Variants in GRIN2B observed in about 807,000 individuals in gnomAD.
GRIN2B encodes the protein glutamate receptor ionotropic, NMDA 2B.
GRIN2B carries 5 observed loss-of-function variants against 114.5 expected under a neutral mutation model. The ratio of observed to expected loss-of-function variants is 0.04; its 90% CI spans 0.02 to 0.09. The LOEUF (loss-of-function observed/expected upper bound fraction) is 0.09, where lower values mean the gene tolerates loss of function less well. Among genes scored for constraint, GRIN2B ranks in the 10% least tolerant of loss-of-function variants. GRIN2B has a pLI of 1.00. For missense variants in GRIN2B, 1,108 were observed against 1,943.5 expected (o/e 0.57, Z 8.08); for synonymous variants, 787 against 745.1 (o/e 1.06, Z -0.92).
At chr12:13,951,254 T>C (rs1459850484) in intron 2 of GRIN2B, among the ~76,000 whole-genome samples, 1 of 152,142 alleles carries the variant, frequency 6.6e-6, no homozygotes, top group Non-Finnish European at 1.5e-5. Context: ...ACCCTAGATA[T>C]AGTACAGGGA....
intron 3 of GRIN2B, among the ~76,000 whole-genome samples, chr12:13,830,590 A>G (rs1207405349): frequency 1.3e-5 from 2 of 152,204 alleles, no homozygotes; most frequent in African/African-American, 4.8e-5. Flanking sequence ...AGAAGGCCAA[A>G]TGTATCTGTG....
chr12:13,856,702 C>T (rs1865666384), intron 3 of GRIN2B, among the ~76,000 whole-genome samples: 1 of 152,082 alleles, frequency 6.6e-6, no homozygotes, highest in Admixed American at 6.5e-5. Context: ...CACCTTGCAC[C>T]TCCCCTGGCC....
chr12:13,944,445 A>G (rs1867327493), intron 2 of GRIN2B, among the ~76,000 whole-genome samples: 1 of 152,216 alleles, frequency 6.6e-6, no homozygotes, highest in Non-Finnish European at 1.5e-5. Flanking sequence ...CGCTTCTCCC[A>G]GCTGGCTGGC....
At chr12:13,925,918 G>A (rs542061549) in intron 2 of GRIN2B, among the ~76,000 whole-genome samples, 2 of 152,138 alleles carry the variant, frequency 1.3e-5, no homozygotes, top group South Asian at 2.1e-4. Context: ...ATTCTTTCCA[G>A]ACTAAACTAT....
intron 4 of GRIN2B, among the ~76,000 whole-genome samples, chr12:13,731,540 G>A (rs1227283305): frequency 3.3e-5 from 5 of 152,168 alleles, no homozygotes; most frequent in East Asian, 3.8e-4. Context: ...GGTGGAGCTT[G>A]CAGTGAGCCG....
chr12:13,605,577 A>ACACC (rs1248153262), intron 10 of GRIN2B, among the ~76,000 whole-genome samples: 4 of 146,702 alleles, frequency 2.7e-5, no homozygotes, highest in African/African-American at 9.8e-5. Flanking sequence ...ACACACACAC[A>ACACC]CACACACCTG....
intron 5 of GRIN2B, among the ~76,000 whole-genome samples, chr12:13,674,760 G>A (rs572236010): frequency 6.6e-6 from 1 of 152,160 alleles, no homozygotes; most frequent in African/African-American, 2.4e-5. Flanking sequence ...TGAATATCAT[G>A]AACAAAGGGG....
chr12:13,679,368 GA>G (rs1397277743), intron 4 of GRIN2B, among the ~76,000 whole-genome samples: 5 of 152,168 alleles, frequency 3.3e-5, no homozygotes, highest in African/African-American at 1.2e-4. Context: ...TGAACTTGCA[GA>G]AAATAAATCA....
intron 3 of GRIN2B, among the ~76,000 whole-genome samples, chr12:13,756,099 C>A (rs1863570774): frequency 1.3e-5 from 2 of 152,196 alleles, no homozygotes. Flanking sequence ...CTCACTGCAA[C>A]CTCCACCTCC....
intron 10 of GRIN2B, among the ~76,000 whole-genome samples, chr12:13,576,119 G>A (rs938014444): frequency 6.6e-6 from 1 of 152,148 alleles, no homozygotes; most frequent in African/African-American, 2.4e-5. Flanking sequence ...GAAAATTCTT[G>A]TCCCAGCCTG....
chr12:13,724,263 A>T (rs1862936299), intron 4 of GRIN2B, among the ~76,000 whole-genome samples: 1 of 152,140 alleles, frequency 6.6e-6, no homozygotes, highest in Non-Finnish European at 1.5e-5. Flanking sequence ...CCTAGAAGGG[A>T]TGAATATCTA....
intron 4 of GRIN2B, among the ~76,000 whole-genome samples, chr12:13,712,444 G>C (rs1950423378): frequency 6.6e-6 from 1 of 151,708 alleles, no homozygotes; most frequent in Non-Finnish European, 1.5e-5. Flanking sequence ...ATTAATCTAT[G>C]GTGAAATAAA....
At chr12:13,840,362 T>C (rs1209621400) in intron 3 of GRIN2B, among the ~76,000 whole-genome samples, 2 of 152,140 alleles carry the variant, frequency 1.3e-5, no homozygotes, top group Non-Finnish European at 2.9e-5. Flanking sequence ...CTTGGATGCT[T>C]ACTGTGCATT....
At chr12:13,967,957 T>A (rs1214772733) in intron 2 of GRIN2B, among the ~76,000 whole-genome samples, 2 of 152,226 alleles carry the variant, frequency 1.3e-5, no homozygotes, top group Non-Finnish European at 2.9e-5. Flanking sequence ...TCTTGGATCA[T>A]GTAAAGATAA....
intron 10 of GRIN2B, among the ~76,000 whole-genome samples, chr12:13,593,925 G>T (rs1264037814): frequency 2.0e-5 from 3 of 152,170 alleles, no homozygotes; most frequent in Non-Finnish European, 2.9e-5. Flanking sequence ...ATGAAAAAAA[G>T]CTCATCATCA....
At chr12:13,917,528 G>C (rs1591620305) in intron 2 of GRIN2B, among the ~76,000 whole-genome samples, 1 of 152,170 alleles carries the variant, frequency 6.6e-6, no homozygotes, top group Non-Finnish European at 1.5e-5. Context: ...GTCCAATAGA[G>C]TGACGCACAA....
At chr12:13,867,232 A>G (rs1287493645) in intron 2 of GRIN2B, among the ~76,000 whole-genome samples, 1 of 152,028 alleles carries the variant, frequency 6.6e-6, no homozygotes, top group Non-Finnish European at 1.5e-5. Flanking sequence ...CTGATACCGT[A>G]TTTTCATATA....
At chr12:13,790,585 C>T (rs1831973124) in intron 3 of GRIN2B, among the ~76,000 whole-genome samples, 1 of 152,174 alleles carries the variant, frequency 6.6e-6, no homozygotes, top group African/African-American at 2.4e-5. Flanking sequence ...ATTATATTTT[C>T]CATAACTTTT....
chr12:13,895,828 C>G (rs552583015), intron 2 of GRIN2B, among the ~76,000 whole-genome samples: 20 of 152,252 alleles, frequency 1.3e-4, no homozygotes, highest in Admixed American at 2.6e-4. Context: ...CCTCTAACTT[C>G]AAGTTCTAAT....
Sources: gnomAD v4.1 joint callset for allele counts (sites outside exome capture counted in the v4.1 genomes callset) on GRCh38, gnomAD v4.1.1 for gene constraint, MANE v1.5 for transcripts, NCBI Gene and HGNC (gene_info 2026-07-23, HGNC 2026-07-21) for gene names.